Variants in CA10 observed in about 807,000 individuals in gnomAD.
CA10 encodes carbonic anhydrase-related protein 10.
Under a neutral mutation model 44.2 loss-of-function variants are expected in CA10, and 14 were observed. The observed-to-expected ratio is 0.32, with a 90% confidence interval of 0.21 to 0.50. The LOEUF (loss-of-function observed/expected upper bound fraction) is 0.50, where lower values mean the gene tolerates loss of function less well. Among genes scored for constraint, CA10 ranks in the 20% least tolerant of loss-of-function variants. The pLI is 0.99. For synonymous variants in CA10, 159 were observed against 141.6 expected (o/e 1.12, Z -0.87); for missense variants, 350 against 409.7 (o/e 0.85, Z 1.26).
intron 4 of CA10, among the ~76,000 whole-genome samples, chr17:51,733,906 C>G (rs2143568381): frequency 6.6e-6 from 1 of 152,060 alleles, no homozygotes; most frequent in Admixed American, 6.5e-5. Context: ...CAAGGGGAAC[C>G]TAGAGTTTCT....
At chr17:51,805,705 A>G (rs1443418002) in intron 3 of CA10, among the ~76,000 whole-genome samples, 1 of 152,224 alleles carries the variant, frequency 6.6e-6, no homozygotes, top group Non-Finnish European at 1.5e-5. Flanking sequence ...AACCATCTCC[A>G]TAGTTCAGTT....
chr17:51,666,429 G>C (rs554701342), intron 4 of CA10, among the ~76,000 whole-genome samples: 21 of 152,296 alleles, frequency 1.4e-4, no homozygotes, highest in African/African-American at 4.8e-4. Flanking sequence ...GTACGTGCAG[G>C]GGTAGGGAAT....
intron 3 of CA10, among the ~76,000 whole-genome samples, chr17:51,910,440 A>G (rs1433124276): frequency 6.6e-6 from 1 of 152,174 alleles, no homozygotes; most frequent in Non-Finnish European, 1.5e-5. Flanking sequence ...GCCTCATTCC[A>G]CAAGAGTTGT....
chr17:51,660,040 T>C (rs767880295), intron 4 of CA10, among the ~76,000 whole-genome samples: 2 of 152,230 alleles, frequency 1.3e-5, no homozygotes, highest in Non-Finnish European at 2.9e-5. Flanking sequence ...AATCAAGGTC[T>C]TAGTTCTCAG....
At chr17:51,792,015 T>C (rs1348240029) in intron 3 of CA10, among the ~76,000 whole-genome samples, 1 of 152,118 alleles carries the variant, frequency 6.6e-6, no homozygotes, top group African/African-American at 2.4e-5. Context: ...ACATGCATGA[T>C]GGGTGGGGCT....
intron 2 of CA10, among the ~76,000 whole-genome samples, chr17:52,009,320 C>G (rs1320835824): frequency 6.6e-6 from 1 of 151,832 alleles, no homozygotes; most frequent in East Asian, 2.0e-4. Flanking sequence ...AATTTTTGTT[C>G]TATACAAAGC....
At chr17:51,714,408 G>A (rs1363558753) in intron 4 of CA10, among the ~76,000 whole-genome samples, 1 of 152,174 alleles carries the variant, frequency 6.6e-6, no homozygotes, top group Non-Finnish European at 1.5e-5. Flanking sequence ...AGGGGTTTGT[G>A]AGATTTAAGG....
At chr17:52,049,512 C>T (rs149718663) in intron 2 of CA10, among the ~76,000 whole-genome samples, 22 of 152,274 alleles carry the variant, frequency 1.4e-4, no homozygotes, top group Non-Finnish European at 2.4e-4. Flanking sequence ...ACTATGTTCA[C>T]ATAGTCCTAT....
intron 3 of CA10, among the ~76,000 whole-genome samples, chr17:51,877,108 T>C (rs1240438426): frequency 6.6e-6 from 1 of 152,196 alleles, no homozygotes; most frequent in East Asian, 1.9e-4. Context: ...GGTCACTTCA[T>C]GGTGGACATG....
intron 2 of CA10, among the ~76,000 whole-genome samples, chr17:52,002,256 T>C (rs182663732): frequency 6.6e-6 from 1 of 151,794 alleles, no homozygotes; most frequent in African/African-American, 2.4e-5. Flanking sequence ...ATGAATCTCC[T>C]GGAAATGTTT....
chr17:51,994,094 A>C (rs982252882), intron 2 of CA10, among the ~76,000 whole-genome samples: 4 of 152,070 alleles, frequency 2.6e-5, no homozygotes, highest in African/African-American at 9.7e-5. Context: ...AAAAACTTTG[A>C]AACTGGAGGC....
At chr17:52,063,731 G>T (rs1276612298) in intron 2 of CA10, among the ~76,000 whole-genome samples, 1 of 152,126 alleles carries the variant, frequency 6.6e-6, no homozygotes, top group Non-Finnish European at 1.5e-5. Context: ...CTGGTGCCAT[G>T]CTTCTTGTAC....
intron 3 of CA10, among the ~76,000 whole-genome samples, chr17:51,789,841 A>G (rs1906443347): frequency 6.6e-6 from 1 of 152,242 alleles, no homozygotes; most frequent in South Asian, 2.1e-4. Context: ...TGTGAAACCC[A>G]GCAAATGACT....
chr17:51,730,246 A>T (rs186919913), intron 4 of CA10, among the ~76,000 whole-genome samples: 1 of 152,358 alleles, frequency 6.6e-6, no homozygotes, highest in East Asian at 1.9e-4. Flanking sequence ...ACACAGTAGG[A>T]ACTCAAATAG....
Position 51,903,951 on chromosome 17 carries a change from A to G in CA10, c.279+27039T>C, listed in dbSNP as rs1199033225. Reference sequence around the variant, plus strand: ...GGGTTGCCATATCTTCTATACAAAAATGGAAAAATCTATGACCTGACATGT... The same window carrying G: ...GGGTTGCCATATCTTCTATACAAAAGTGGAAAAATCTATGACCTGACATGT... On this transcript the variant is annotated intron_variant, in intron 3 of 8. Coordinates refer to ENST00000451037, the MANE Select transcript of CA10 (RefSeq NM_020178.5). Among the ~76,000 whole-genome samples, 4 of 152,006 alleles carry G rather than the reference A, an allele frequency of 2.6e-5. No homozygotes were observed. In the East Asian group the frequency reaches 7.7e-4, roughly 29 times the overall value.
At chr17:51,639,715 T>A (rs1334532503) in intron 6 of CA10, among the ~76,000 whole-genome samples, 2 of 152,196 alleles carry the variant, frequency 1.3e-5, no homozygotes, top group Non-Finnish European at 2.9e-5. Flanking sequence ...CCTTTTTATA[T>A]CCTCACACAG....
At position 51,804,068 on chromosome 17, in the gene CA10, T is replaced by C. The variant is rs565162580; in HGVS notation, c.280-56250A>G. Among the ~76,000 whole-genome samples the C allele has an allele frequency of 2.2e-4, 34 of 152,334 alleles. 1 individual carries two copies. In the South Asian group the frequency reaches 6.6e-3, roughly 30 times the overall value. On this transcript the variant is annotated intron_variant, in intron 3 of 8. Coordinates refer to ENST00000451037, the MANE Select transcript of CA10 (RefSeq NM_020178.5). The stretch of plus-strand genomic sequence containing the variant: ...TAGTGTCCATCTCATAGAGTCACTG[T>C]GCATAATAAATTATTTATTATACAG...
At chr17:51,890,577 CCA>C (rs551150115) in intron 3 of CA10, among the ~76,000 whole-genome samples, 222 of 152,166 alleles carry the variant, frequency 1.5e-3, no homozygotes, top group Non-Finnish European at 2.5e-3. Flanking sequence ...CTTTTAGTTA[CCA>C]CACATCTCTT....
intron 4 of CA10, among the ~76,000 whole-genome samples, chr17:51,726,871 G>T (rs902234878): frequency 7.2e-5 from 11 of 152,178 alleles, no homozygotes; most frequent in African/African-American, 2.7e-4. Flanking sequence ...GCTCAGAAAG[G>T]GGAAATGAAC....
Sources: allele counts gnomAD v4.1 joint callset (sites outside exome capture counted in the v4.1 genomes callset), GRCh38; gene constraint gnomAD v4.1.1; transcripts MANE v1.5; gene names NCBI Gene and HGNC (gene_info 2026-07-23, HGNC 2026-07-21).